MTO1: variants seen among roughly 807,000 people sequenced by gnomAD.
MTO1 encodes mitochondrial tRNA translation optimization 1.
A neutral mutation model predicts 71.6 loss-of-function variants in MTO1; 46 were observed. The ratio of observed to expected loss-of-function variants is 0.64; its 90% CI spans 0.51 to 0.82. The LOEUF (loss-of-function observed/expected upper bound fraction) is 0.82. Ranked by LOEUF, MTO1 falls within the 40% of genes least tolerant of loss-of-function variation. The pLI, the probability that MTO1 is intolerant of heterozygous loss-of-function variation, is 0.00. For missense variants in MTO1, 773 were observed against 867.5 expected (o/e 0.89, Z 1.37); for synonymous variants, 297 against 312.1 (o/e 0.95, Z 0.51).
chr6:73,466,639 A>G (rs1233745860), intron 3 of MTO1, 33 bp downstream of exon 3: 4 of 1,546,324 alleles, frequency 2.6e-6, no homozygotes, highest in Non-Finnish European at 3.6e-6. Flanking sequence ...GTATGATAAC[A>G]GCATATCAAA....
At chr6:73,485,315 G>A (rs966704669) in intron 9 of MTO1, among the ~76,000 whole-genome samples, 5 of 152,030 alleles carry the variant, frequency 3.3e-5, no homozygotes, top group Admixed American at 2.6e-4. Context: ...TTTTTAAAAA[G>A]GTCAGTTTAA....
intron 3 of MTO1, among the ~76,000 whole-genome samples, chr6:73,470,827 C>A (rs536942772): frequency 6.6e-6 from 1 of 152,176 alleles, no homozygotes; most frequent in Admixed American, 6.5e-5. Flanking sequence ...ATGGCTCACG[C>A]CTGTAGTCCC....
At chr6:73,479,619 A>G in intron 4 of MTO1, 113 bp from the exon 5 acceptor site, 1 of 723,684 alleles carries the variant, frequency 1.4e-6, no homozygotes, top group Non-Finnish European at 2.3e-6. Context: ...ACTAGGCATT[A>G]TGCACAAGTT....
At chr6:73,473,721 CTTTT>C (rs11417913) in intron 4 of MTO1, 67 bp downstream of exon 4, 469 of 846,350 alleles carry the variant, frequency 5.5e-4, no homozygotes, top group South Asian at 7.1e-4. Flanking sequence ...AGTACTGTAA[CTTTT>C]TTTTTTTTTT....
intron 4 of MTO1, among the ~76,000 whole-genome samples, chr6:73,474,969 G>A (rs556460948): frequency 7.6e-4 from 115 of 152,054 alleles, no homozygotes; most frequent in African/African-American, 2.8e-3. Flanking sequence ...TGGCCGGGCT[G>A]GTTTCAAACT....
rs148202739 is a variant in MTO1, at chr6:73,466,338, G to A, written c.347G>A (p.Arg116Gln). 33 of 1,614,084 alleles carry A rather than the reference G, an allele frequency of 2.0e-5. No individual in the cohort carries two copies. Among genetic ancestry groups the A allele is most frequent in the South Asian group, 1.6e-4 (15 of 91,082 alleles). Residue 116 changes from arginine (R) to glutamine (Q), a missense_variant, in exon 2 of 12, where the codon CGG becomes CAG. Transcript: ENST00000498286. ...GGTGTACATTATAAAGTATTAAACC[G>A]GCGTAAGGGACCAGCTGTGTGGGGT... ...QSGVHYKVLN[R>Q]RKGPAVWGLR...
At chr6:73,489,812 G>A (rs544074415) in intron 9 of MTO1, among the ~76,000 whole-genome samples, 9 of 152,076 alleles carry the variant, frequency 5.9e-5, no homozygotes, top group Admixed American at 3.3e-4. Context: ...CCCAGTAATG[G>A]AATGGCTGGG....
In MTO1 at chr6:73,485,023, C is replaced by T. The variant is rs546721766; in HGVS notation, c.1637+2403C>T. On this transcript the variant is annotated intron_variant, in intron 9 of 11. Transcript: ENST00000498286. The stretch of plus-strand genomic sequence containing the variant: ...AATCACACCACTGCACTCCAGCCTG[C>T]GTGACACAGCAAGTCTCTGTATCAA... 1.2e-4 allele frequency among the ~76,000 whole-genome samples: 17 copies of T among 147,654 alleles called. No individual in the cohort carries two copies. The East Asian group carries it at 3.0e-3, about 26-fold the overall frequency.
chr6:73,495,951 A>C (rs905992229), intron 10 of MTO1, among the ~76,000 whole-genome samples: 1 of 152,192 alleles, frequency 6.6e-6, no homozygotes, highest in Non-Finnish European at 1.5e-5. Context: ...ATAAGTGGTA[A>C]TTGCCCAAGA....
intron 1 of MTO1, among the ~76,000 whole-genome samples, chr6:73,465,360 C>T (rs1295036791): frequency 6.6e-6 from 1 of 151,934 alleles, no homozygotes; most frequent in Non-Finnish European, 1.5e-5. Flanking sequence ...GACGGGGTTT[C>T]ACCGTGTCGC....
intron 11 of MTO1, among the ~76,000 whole-genome samples, chr6:73,498,339 G>T (rs1772059717): frequency 6.6e-6 from 1 of 151,582 alleles, no homozygotes; most frequent in African/African-American, 2.4e-5. Context: ...GGTTTGATTG[G>T]AACTATTCTC....
chr6:73,464,835 C>CCA (rs1421988075), intron 1 of MTO1, among the ~76,000 whole-genome samples: 1 of 28,354 alleles, frequency 3.5e-5, no homozygotes, highest in Non-Finnish European at 6.5e-5. Context: ...AACTCTGTCT[C>CCA]AAAAAAAAAA....
chr6:73,480,159 G>A (rs1168048210), intron 6 of MTO1, 33 bp downstream of exon 6: 6 of 1,602,724 alleles, frequency 3.7e-6, no homozygotes, highest in Middle Eastern at 1.7e-4. Context: ...TTCAGTATAA[G>A]GTCAGCATTG....
At chr6:73,481,500 G>A (rs1013441950) in intron 7 of MTO1, among the ~76,000 whole-genome samples, 5 of 151,006 alleles carry the variant, frequency 3.3e-5, no homozygotes, top group East Asian at 2.0e-4. Context: ...GGCATGGTGC[G>A]TCACACCTGT....
In MTO1 at chr6:73,473,380, T is replaced by C. The variant is rs909288022; in HGVS notation, c.551T>C (p.Val184Ala). The C allele has an allele frequency of 6.2e-7, 1 of 1,613,578 alleles. No individual in the cohort carries two copies. The highest frequency in any genetic ancestry group is 1.1e-5 in the South Asian group (1 of 91,058). ...TGTTATTTAGTGGATGGAAGCACAG[T>C]ATATGCAGAGAGTGTGATTCTGACT... ...SGVVLVDGST[V>A]YAESVILTTG... Residue 184 changes from valine (V) to alanine (A), a missense_variant, in exon 4 of 12, where the codon GTA (valine) becomes GCA (alanine). Coordinates refer to ENST00000498286, the MANE Select transcript of MTO1 (RefSeq NM_012123.4).
At chr6:73,487,021 C>A (rs1771671040) in intron 9 of MTO1, among the ~76,000 whole-genome samples, 1 of 151,968 alleles carries the variant, frequency 6.6e-6, no homozygotes, top group South Asian at 2.1e-4. Flanking sequence ...GGATTTTATT[C>A]CTTTTTAAGG....
chr6:73,480,039 G>C lies in MTO1; in HGVS notation c.1042G>C (p.Gly348Arg), dbSNP rs749179068. The change falls in exon 6 of 12, where the codon GGG becomes CGG. Residue 348 changes from glycine to arginine, a missense_variant. Physicochemically the swap from Gly to Arg is moderately radical, Grantham distance 125. Coordinates refer to ENST00000498286, the MANE Select transcript of MTO1 (RefSeq NM_012123.4). ...GMDSDLIYPQ[G>R]LSMTLPAELQ... is the part of the protein sequence containing the mutation. ...GGATTCTGACCTTATCTACCCACAG[G>C]GGTTATCTATGACGCTACCAGCTGA... 6.2e-7 allele frequency: 1 copy of C among 1,614,126 alleles called. No individual in the cohort carries two copies. The highest frequency in any genetic ancestry group is 1.7e-5 in the Admixed American group (1 of 60,004).
At position 73,509,210 on chromosome 6, in the gene MTO1, G is replaced by A. The variant is rs1039315645; in HGVS notation, c.*8475G>A. 1.3e-5 allele frequency: 2 copies of A among 152,068 alleles called. No individual in the cohort carries two copies. Among genetic ancestry groups the A allele is most frequent in the African/African-American group, 4.8e-5 (2 of 41,392 alleles). 9.4% of individuals were successfully genotyped at this position (152,068 alleles called of 1,614,324 possible). A position where few individuals can be genotyped will look rare whatever the true frequency, so the allele number is the denominator to read the frequency against. ...CAATCTTCTATACGCTTTTTTCACT[G>A]GAATAAATGAAACTGCTTACTTTTG... On this transcript the variant is annotated 3_prime_UTR_variant, in exon 12 of 12. Coordinates refer to ENST00000498286, the MANE Select transcript of MTO1 (RefSeq NM_012123.4).
Position 73,505,305 on chromosome 6 carries a change from A to G in MTO1, c.*4570A>G, listed in dbSNP as rs2150047728. Reference sequence around the variant, plus strand: ...AAACAAAATGTGGCATATACATACAATGGAATATTATACAGCCTTAAAAAG... The same window carrying G: ...AAACAAAATGTGGCATATACATACAGTGGAATATTATACAGCCTTAAAAAG... On this transcript the variant is annotated 3_prime_UTR_variant, in exon 12 of 12. Coordinates refer to ENST00000498286, the MANE Select transcript of MTO1 (RefSeq NM_012123.4). 6.6e-6 allele frequency: 1 copy of G among 152,376 alleles called. No individual in the cohort carries two copies. Among genetic ancestry groups the G allele is most frequent in the East Asian group, 1.9e-4 (1 of 5,188 alleles). The allele number at this position is 152,376 out of a possible 1,614,324, so 9.4% of individuals were successfully genotyped here.
Sources: allele counts gnomAD v4.1 joint callset (sites outside exome capture counted in the v4.1 genomes callset), GRCh38; gene constraint gnomAD v4.1.1; transcripts MANE v1.5; gene names NCBI Gene and HGNC (gene_info 2026-07-23, HGNC 2026-07-21).